ZNF506: variants seen among roughly 807,000 people sequenced by gnomAD.
ZNF506 encodes the protein zinc finger protein 506.
ZNF506 carries 10 observed loss-of-function variants against 11.6 expected under a neutral mutation model. The observed-to-expected ratio is 0.86, with a 90% CI of 0.53 to 1.46. ZNF506 has a LOEUF of 1.46. Among genes scored for constraint, ZNF506 ranks in the 40% most tolerant of loss-of-function variants. ZNF506 has a pLI of 0.00. For synonymous variants in ZNF506, 156 were observed against 173.3 expected (o/e 0.90, Z 0.78); for missense variants, 425 against 521.2 (o/e 0.82, Z 1.80).
rs2062728452 is a variant in ZNF506 at position 19,795,098 on chromosome 19, G to A, written c.789C>T (p.Gly263=). Residue 263 remains glycine (G), a synonymous_variant, in exon 4 of 4, where the codon GGC becomes GGT. Coordinates refer to ENST00000540806, the MANE Select transcript of ZNF506 (RefSeq NM_001099269.3). ...GEKPYRCREC[G]KAFNHPATLF... ...GGGTTGCAGGGTGGTTAAAAGCTTT[G>A]CCACATTCTCTACATCTGTAGGGTT... The A allele has an allele frequency of 6.2e-7, 1 of 1,613,548 alleles. No individual in the cohort carries two copies. The highest frequency in any genetic ancestry group is 1.7e-5 in the Admixed American group (1 of 59,986).
intron 2 of ZNF506, among the ~76,000 whole-genome samples, 182 bp downstream of exon 2, chr19:19,806,760 G>C (rs1256949281): frequency 6.6e-6 from 1 of 152,054 alleles, no homozygotes; most frequent in African/African-American, 2.4e-5. Context: ...GGAAAGTTTG[G>C]ATTAAGATGA....
chr19:19,805,896 AG>A, intron 3 of ZNF506, 134 bp downstream of exon 3: 3 of 732,950 alleles, frequency 4.1e-6, no homozygotes, highest in Admixed American at 2.7e-5. Flanking sequence ...AGAAAAGAAA[AG>A]AAAAAAAAAG....
chr19:19,800,391 A>ATATATATATATTTATATAT (rs2062780109), intron 3 of ZNF506, among the ~76,000 whole-genome samples: 1 of 139,244 alleles, frequency 7.2e-6, no homozygotes, highest in African/African-American at 2.6e-5. Flanking sequence ...AACTAAACAG[A>ATATATATATATTTATATAT]ATATATATAT....
chr19:19,812,954 C>G (rs1309667033), intron 1 of ZNF506, among the ~76,000 whole-genome samples: 3 of 152,154 alleles, frequency 2.0e-5, no homozygotes, highest in Non-Finnish European at 4.4e-5. Flanking sequence ...CTCTGCTGCT[C>G]TCTCATCTCC....
At chr19:19,801,554 G>A (rs984510741) in intron 3 of ZNF506, among the ~76,000 whole-genome samples, 1 of 151,946 alleles carries the variant, frequency 6.6e-6, no homozygotes, top group African/African-American at 2.4e-5. Flanking sequence ...ACTTTGGGAG[G>A]CTCAGGAGGG....
chr19:19,794,837 A>G lies in ZNF506; in HGVS notation c.1050T>C (p.Phe350=). ...PYKCDECGKT[F]TWYSSLSKHK... Reference sequence around the variant, plus strand: ...GTTTAGAGAGGCTTGAGTACCAGGTAAAGGTTTTGCCACATTCGTCACATT... The same window carrying G: ...GTTTAGAGAGGCTTGAGTACCAGGTGAAGGTTTTGCCACATTCGTCACATT... Residue 350 remains phenylalanine, a synonymous_variant, in exon 4 of 4, where the codon TTT becomes TTC. Transcript: ENST00000540806. 6.2e-7 allele frequency: 1 copy of G among 1,613,774 alleles called. No homozygotes were observed. Among genetic ancestry groups the G allele is most frequent in the Non-Finnish European group, 8.5e-7 (1 of 1,179,946 alleles).
At chr19:19,804,745 A>G (rs556747574) in intron 3 of ZNF506, among the ~76,000 whole-genome samples, 1 of 152,348 alleles carries the variant, frequency 6.6e-6, no homozygotes, top group Non-Finnish European at 1.5e-5. Context: ...ATGGAATACT[A>G]TGCAGCCACA....
intron 3 of ZNF506, chr19:19,798,304 A>G (rs1037099450): frequency 5.3e-5 from 8 of 152,174 alleles, no homozygotes; most frequent in Non-Finnish European, 1.0e-4. Flanking sequence ...ACATTAAAAT[A>G]TATTGTTGGA....
chr19:19,817,848 T>TG (rs1359596204), intron 1 of ZNF506, among the ~76,000 whole-genome samples: 34 of 151,024 alleles, frequency 2.3e-4, no homozygotes, highest in African/African-American at 8.0e-4. Flanking sequence ...TTTTTTTTTT[T>TG]GAGACGGTCT....
chr19:19,808,174 AGTGCAGTGGC>A (rs2062851571), intron 1 of ZNF506, among the ~76,000 whole-genome samples: 1 of 114,390 alleles, frequency 8.7e-6, no homozygotes, highest in South Asian at 3.1e-4. Flanking sequence ...CCCAGGCCGG[AGTGCAGTGGC>A]GCGATCTCGG....
Position 19,803,692 on chromosome 19 carries a change from G to A in ZNF506, c.226+2339C>T, listed in dbSNP as rs185285657. 5.4e-3 allele frequency among the ~76,000 whole-genome samples: 810 copies of A among 149,636 alleles called. 8 individuals are homozygous for A. Among genetic ancestry groups the A allele is most frequent in the African/African-American group, 0.018 (726 of 39,994 alleles). On this transcript the variant is annotated intron_variant, in intron 3 of 3. Coordinates refer to ENST00000540806, the MANE Select transcript of ZNF506 (RefSeq NM_001099269.3). Reference sequence around the variant, plus strand: ...TCAGAGGGAATCTCATCACACTAAGGGCCCAATAAAAGATTTTTTACTTTC... The same window carrying A: ...TCAGAGGGAATCTCATCACACTAAGAGCCCAATAAAAGATTTTTTACTTTC...
rs571481161 is a variant in ZNF506, at chr19:19,794,094, G to A, written c.*458C>T. ...GGATGCCGAGGTGGGTGGACCATCT[G>A]AGGTCAGGAGTTGGAGACCAGTCTG... is the stretch of plus-strand genomic sequence containing the variant. On this transcript the variant is annotated 3_prime_UTR_variant, in exon 4 of 4. Transcript: ENST00000540806. 6.3e-6 allele frequency: 1 copy of A among 157,978 alleles called. No homozygotes were observed. The highest frequency in any genetic ancestry group is 2.4e-5 in the African/African-American group (1 of 41,466). The allele number at this position is 157,978 out of a possible 1,614,324, so 9.8% of individuals were successfully genotyped here.
rs1239851303 is a variant in ZNF506 at position 19,807,005 on chromosome 19, C to T, written c.67G>A (p.Ala23Thr). The T allele has an allele frequency of 3.1e-6, 5 of 1,613,970 alleles. No individual in the cohort carries two copies. The highest frequency in any genetic ancestry group is 3.4e-6 in the Non-Finnish European group (4 of 1,179,938). Residue 23 changes from alanine (A) to threonine (T), a missense_variant, in exon 2 of 4, where the codon GCT (alanine) becomes ACT (threonine). Ala to Thr is a moderately conservative substitution (Grantham distance 58, BLOSUM62 0). Around this residue, in one of 3 missense-constraint regions of ZNF506, gnomAD observed 226 missense variants for 279.1 expected, o/e 0.81. Transcript: ENST00000540806. ...TCCCTATATAGATTCCGCTGTGCAGCGTCCAGGCAATGCCACTCCTCCAGA... is the reference window on the plus strand; with the variant it reads ...TCCCTATATAGATTCCGCTGTGCAGTGTCCAGGCAATGCCACTCCTCCAGA... ...FSLEEWHCLD[A>T]AQRNLYRDVM...
At chr19:19,805,106 A>G (rs2062825966) in intron 3 of ZNF506, among the ~76,000 whole-genome samples, 1 of 152,208 alleles carries the variant, frequency 6.6e-6, no homozygotes, top group East Asian at 1.9e-4. Context: ...TACACAGTAC[A>G]TTAAAACCTG....
At chr19:19,821,522 TGCCACA>T in intron 1 of ZNF506, 73 bp downstream of exon 1, 3 of 1,599,618 alleles carry the variant, frequency 1.9e-6, no homozygotes, top group South Asian at 1.1e-5. Context: ...GTTCTGCCAC[TGCCACA>T]GCCACAGCCA....
chr19:19,821,494 G>A, intron 1 of ZNF506, 107 bp downstream of exon 1: 1 of 1,439,062 alleles, frequency 6.9e-7, no homozygotes, highest in East Asian at 2.3e-5. Flanking sequence ...TTGTGGAGCT[G>A]ACTGCCGGGA....
At chr19:19,805,327 T>G (rs2062827402) in intron 3 of ZNF506, among the ~76,000 whole-genome samples, 2 of 152,050 alleles carry the variant, frequency 1.3e-5, no homozygotes, top group South Asian at 4.2e-4. Context: ...CAAGTAAATT[T>G]TAAAATAGTT....
chr19:19,817,706 G>A (rs2062944215), intron 1 of ZNF506, among the ~76,000 whole-genome samples: 1 of 152,132 alleles, frequency 6.6e-6, no homozygotes, highest in Admixed American at 6.5e-5. Context: ...CCTTAGCTTG[G>A]AGTCACTAGG....
At chr19:19,805,854 G>A (rs1244616925) in intron 3 of ZNF506, among the ~76,000 whole-genome samples, 177 bp downstream of exon 3, 1 of 147,468 alleles carries the variant, frequency 6.8e-6, no homozygotes, top group Non-Finnish European at 1.5e-5. Flanking sequence ...GACAGAAGAT[G>A]CCTCTTTGTG....
Sources: allele counts gnomAD v4.1 joint callset (sites outside exome capture counted in the v4.1 genomes callset), GRCh38; gene constraint gnomAD v4.1.1; regional missense constraint gnomAD v4.1.1; transcripts MANE v1.5; gene names NCBI Gene and HGNC (gene_info 2026-07-23, HGNC 2026-07-21).